The following KCNH7 variants were observed in gnomAD, a reference collection of about 807,000 sequenced individuals.
KCNH7 encodes potassium voltage-gated channel subfamily H member 7.
KCNH7 carries 49 observed loss-of-function variants against 120.8 expected under a neutral mutation model. That is an observed-to-expected ratio of 0.41 (90% CI 0.32 to 0.51). The LOEUF is 0.51. Ranked by LOEUF, KCNH7 falls within the 20% of genes least tolerant of loss-of-function variation. The pLI is 0.38. For missense variants in KCNH7, 1,097 were observed against 1,446.6 expected, an observed-to-expected ratio of 0.76 and a Z score of 3.92; for synonymous variants, 547 against 516.1, an observed-to-expected ratio of 1.06 and a Z score of -0.81.
At position 162,838,552 on chromosome 2, in the gene KCNH7, G is replaced by C. The variant is rs760377354; in HGVS notation, c.-34C>G. 1 of 1,567,520 alleles carries C rather than the reference G, an allele frequency of 6.4e-7. No individual in the cohort carries two copies. Among genetic ancestry groups the C allele is most frequent in the Non-Finnish European group, 8.7e-7 (1 of 1,143,122 alleles). On this transcript the variant is annotated 5_prime_UTR_variant, in exon 1 of 16. Coordinates refer to ENST00000332142, the MANE Select transcript of KCNH7 (RefSeq NM_033272.4). ...CGGTCTTCCGAGGAGCGCTCCCCCG[G>C]AGCTCTGGAGTTCTCCCGGGATCTC...
At chr2:162,678,195 C>T (rs1685591485) in intron 2 of KCNH7, among the ~76,000 whole-genome samples, 1 of 151,214 alleles carries the variant, frequency 6.6e-6, no homozygotes, top group African/African-American at 2.4e-5. Context: ...TGAGAATTTT[C>T]CTAATGTGGC....
chr2:162,387,782 T>C (rs1296413083), intron 12 of KCNH7, among the ~76,000 whole-genome samples: 1 of 151,806 alleles, frequency 6.6e-6, no homozygotes, highest in East Asian at 1.9e-4. Flanking sequence ...ATAGAATAAG[T>C]GTCCTAATGG....
Position 162,544,481 on chromosome 2 carries a change from A to G in KCNH7, c.308-7401T>C, listed in dbSNP as rs115641691. Among the ~76,000 whole-genome samples, 615 of 152,250 alleles carry G rather than the reference A, an allele frequency of 4.0e-3. 7 individuals are homozygous for G. Among genetic ancestry groups the G allele is most frequent in the African/African-American group, 0.014 (592 of 41,560 alleles). On this transcript the variant is annotated intron_variant, in intron 2 of 15. Transcript: ENST00000332142. Reference sequence around the variant, plus strand: ...ACCATTATCATCCCCATTAGGCAGTAGTAAAGTGAGCCATGCATGTTGTCC... The same window carrying G: ...ACCATTATCATCCCCATTAGGCAGTGGTAAAGTGAGCCATGCATGTTGTCC...
At position 162,770,487 on chromosome 2, in the gene KCNH7, C is replaced by G. The variant is rs1434998; in HGVS notation, c.307+66050G>C. Among the ~76,000 whole-genome samples, 18 of 151,592 alleles carry G rather than the reference C, an allele frequency of 1.2e-4. No individual in the cohort carries two copies. In the South Asian group the frequency reaches 3.3e-3, roughly 28 times the overall value. ...CCAATATCTCTGCTTTCAGATTGTA[C>G]GCTTTGGGTCAAACGTCTAACCTCT... On this transcript the variant is annotated intron_variant, in intron 2 of 15. Coordinates refer to ENST00000332142, the MANE Select transcript of KCNH7 (RefSeq NM_033272.4).
chr2:162,737,514 G>A (rs1687957844), intron 2 of KCNH7, among the ~76,000 whole-genome samples: 1 of 151,920 alleles, frequency 6.6e-6, no homozygotes, highest in Non-Finnish European at 1.5e-5. Flanking sequence ...TAGAACTTTA[G>A]CTATATATAT....
intron 2 of KCNH7, among the ~76,000 whole-genome samples, chr2:162,804,427 C>T (rs770124780): frequency 1.3e-4 from 20 of 151,904 alleles, no homozygotes; most frequent in Non-Finnish European, 2.7e-4. Context: ...CTGCTATATA[C>T]CAACAATGAC....
chr2:162,664,360 C>T (rs544454768), intron 2 of KCNH7, among the ~76,000 whole-genome samples: 7 of 152,226 alleles, frequency 4.6e-5, no homozygotes, highest in African/African-American at 1.7e-4. Context: ...AAAGCAGTAG[C>T]AACAGTTACC....
intron 7 of KCNH7, among the ~76,000 whole-genome samples, chr2:162,442,414 T>C (rs1007252331): frequency 2.0e-5 from 3 of 152,176 alleles, no homozygotes; most frequent in African/African-American, 7.2e-5. Flanking sequence ...ATAATATAGA[T>C]ACAAAGTTGA....
chr2:162,457,574 T>C (rs1689010880), intron 6 of KCNH7, among the ~76,000 whole-genome samples: 1 of 152,186 alleles, frequency 6.6e-6, no homozygotes, highest in South Asian at 2.1e-4. Flanking sequence ...GAAGATCTAC[T>C]GTGAAAATTT....
intron 1 of KCNH7, among the ~76,000 whole-genome samples, chr2:162,837,784 A>G: frequency 6.6e-6 from 1 of 152,184 alleles, no homozygotes; most frequent in Non-Finnish European, 1.5e-5. Flanking sequence ...TTACACTTCA[A>G]TTTTTAAATT....
intron 6 of KCNH7, among the ~76,000 whole-genome samples, chr2:162,469,997 G>C (rs983943822): frequency 2.6e-5 from 4 of 152,220 alleles, no homozygotes; most frequent in Non-Finnish European, 4.4e-5. Context: ...ACGGAGTCTC[G>C]TTCACTCAGT....
chr2:162,552,295 A>T (rs1195900967), intron 2 of KCNH7, among the ~76,000 whole-genome samples: 1 of 152,188 alleles, frequency 6.6e-6, no homozygotes, highest in African/African-American at 2.4e-5. Context: ...CCAGTTTTTT[A>T]GACTTTTTGA....
chr2:162,690,586 T>G (rs1686066694), intron 2 of KCNH7, among the ~76,000 whole-genome samples: 3 of 151,762 alleles, frequency 2.0e-5, no homozygotes, highest in Admixed American at 2.0e-4. Flanking sequence ...TTGAGGAGAG[T>G]AAAGAGGGTA....
At position 162,425,043 on chromosome 2, in the gene KCNH7, G is replaced by C. The variant is rs73018949; in HGVS notation, c.1955-1508C>G. ...GTGGGCTGCATCCAACTCATTGAAG[G>C]CCTGAATAGAAGAAAAAGGGGAAGT... On this transcript the variant is annotated intron_variant, in intron 8 of 15. Transcript: ENST00000332142. Among the ~76,000 whole-genome samples the C allele has an allele frequency of 6.9e-3, 1,051 of 152,182 alleles. 7 individuals are homozygous for C. The highest frequency in any genetic ancestry group is 0.021 in the African/African-American group (867 of 41,518).
intron 13 of KCNH7, among the ~76,000 whole-genome samples, chr2:162,381,972 CTT>C (rs1195429645): frequency 1.3e-5 from 2 of 152,072 alleles, no homozygotes; most frequent in East Asian, 3.9e-4. Flanking sequence ...GATGCTGATG[CTT>C]TTCTCTGTCT....
chr2:162,644,428 G>A (rs2105244344), intron 2 of KCNH7, among the ~76,000 whole-genome samples: 1 of 152,002 alleles, frequency 6.6e-6, no homozygotes, highest in East Asian at 1.9e-4. Flanking sequence ...CAGTGAAAAA[G>A]CTCCCTTAGT....
At chr2:162,628,543 T>C (rs1683639945) in intron 2 of KCNH7, among the ~76,000 whole-genome samples, 1 of 152,146 alleles carries the variant, frequency 6.6e-6, no homozygotes, top group Admixed American at 6.6e-5. Context: ...ATCACGCAGG[T>C]ATTAAGCCTA....
intron 2 of KCNH7, among the ~76,000 whole-genome samples, chr2:162,636,866 C>T (rs1018605855): frequency 1.3e-5 from 2 of 152,044 alleles, no homozygotes; most frequent in African/African-American, 2.4e-5. Flanking sequence ...AGTAATAGAT[C>T]TTGCTTTGTC....
chr2:162,761,965 G>A (rs1688983121), intron 2 of KCNH7, among the ~76,000 whole-genome samples: 1 of 152,010 alleles, frequency 6.6e-6, no homozygotes, highest in Non-Finnish European at 1.5e-5. Flanking sequence ...TTTGAGTTGA[G>A]TTGCTGAATC....
Sources: allele counts gnomAD v4.1 joint callset (sites outside exome capture counted in the v4.1 genomes callset), GRCh38; gene constraint gnomAD v4.1.1; transcripts MANE v1.5; gene names NCBI Gene and HGNC (gene_info 2026-07-23, HGNC 2026-07-21).